Variants in ARHGEF18 observed in about 807,000 individuals in gnomAD.
ARHGEF18 encodes the protein Rho/Rac guanine nucleotide exchange factor 18, also known as rho guanine nucleotide exchange factor 18.
In ARHGEF18, 93 loss-of-function variants were observed where a neutral mutation model predicts 155.7. That is an observed-to-expected ratio of 0.60 (90% CI 0.50 to 0.71). The LOEUF is 0.71. ARHGEF18 is among the 30% of genes least tolerant of loss of function. The pLI is 0.00. For synonymous variants in ARHGEF18, 742 were observed against 753.1 expected, an observed-to-expected ratio of 0.99 and a Z score of 0.24; for missense variants, 1,593 against 1,816.1, an observed-to-expected ratio of 0.88 and a Z score of 2.23.
In ARHGEF18 at chr19:7,365,584, C is replaced by T. The variant is rs12608813; in HGVS notation, c.15+2679C>T. 0.013 allele frequency among the ~76,000 whole-genome samples: 1,950 copies of T among 152,256 alleles called. 127 individuals carry two copies. In the East Asian group the frequency reaches 0.21, roughly 17 times the overall value. ...GATGCAGGCAGTTGGACAGGTAACA[C>T]GGCAATGGGGGAACGGTGGGCTCTG... On this transcript the variant is annotated intron_variant, in intron 2 of 28. Transcript: ENST00000668164.
intron 10 of ARHGEF18, among the ~76,000 whole-genome samples, chr19:7,398,536 C>CA (rs1971850744): frequency 1.3e-5 from 2 of 151,246 alleles, no homozygotes; most frequent in Non-Finnish European, 2.9e-5. Context: ...CTAAGAAATA[C>CA]AAAAATTAGC....
intron 2 of ARHGEF18, among the ~76,000 whole-genome samples, chr19:7,367,870 T>TATACA (rs1407154247): frequency 1.7e-5 from 1 of 59,908 alleles, no homozygotes; most frequent in Non-Finnish European, 2.9e-5. Context: ...ATATATATTT[T>TATACA]TATATATATA....
chr19:7,368,222 C>T (rs1366790813), intron 2 of ARHGEF18, among the ~76,000 whole-genome samples: 3 of 152,032 alleles, frequency 2.0e-5, no homozygotes, highest in Non-Finnish European at 4.4e-5. Flanking sequence ...ATGTACTATG[C>T]AAAACTGTGC....
Position 7,448,219 on chromosome 19 carries a change from G to A in ARHGEF18, c.1737+1051G>A, listed in dbSNP as rs180746126. Among the ~76,000 whole-genome samples the A allele has an allele frequency of 3.5e-4, 53 of 152,150 alleles. No individual in the cohort carries two copies. In the East Asian group the frequency reaches 5.2e-3, roughly 15 times the overall value. On this transcript the variant is annotated intron_variant, in intron 15 of 28. Transcript: ENST00000668164. ...GCCTTGGGGATGCCGTCTGTCTCAAGGAGGGTTACTCCAGATGGGCACGGT... is the reference window on the plus strand; with the variant it reads ...GCCTTGGGGATGCCGTCTGTCTCAAAGAGGGTTACTCCAGATGGGCACGGT...
At chr19:7,423,921 G>A (rs1973506760) in intron 10 of ARHGEF18, among the ~76,000 whole-genome samples, 1 of 152,048 alleles carries the variant, frequency 6.6e-6, no homozygotes, top group African/African-American at 2.4e-5. Flanking sequence ...AGTGAACCCA[G>A]AAGTGGATCT....
chr19:7,478,359 A>G, the ARHGEF18 span: 3 of 1,611,084 alleles, frequency 1.9e-6, no homozygotes, highest in South Asian at 1.1e-5. Context: ...TCTCAGTTTC[A>G]GCAGCATCCA....
intron 20 of ARHGEF18, 37 bp downstream of exon 20, chr19:7,460,031 T>C: frequency 6.5e-7 from 1 of 1,538,152 alleles, no homozygotes; most frequent in Non-Finnish European, 8.8e-7. Context: ...ACCCCTTGTG[T>C]GGTGAGCCCT....
Position 7,447,185 on chromosome 19 carries a change from T to C in ARHGEF18, c.1737+17T>C. 6.3e-7 allele frequency: 1 copy of C among 1,598,118 alleles called. No homozygotes were observed. The highest frequency in any genetic ancestry group is 2.3e-5 in the East Asian group (1 of 44,296). ...TTGATCAAGGTAAAAACAATTTTTT[T>C]TTTTAATCAAAAACTTATATTCTGG... is the stretch of plus-strand genomic sequence containing the variant. On this transcript the variant is annotated intron_variant, in intron 15 of 28. Coordinates refer to ENST00000668164, the MANE Select transcript of ARHGEF18 (RefSeq NM_001367823.1).
At chr19:7,433,051 C>T (rs566402440) in intron 10 of ARHGEF18, among the ~76,000 whole-genome samples, 2 of 152,146 alleles carry the variant, frequency 1.3e-5, no homozygotes, top group African/African-American at 2.4e-5. Context: ...ATCCTAGCTA[C>T]TCAGGAGGCT....
intron 10 of ARHGEF18, among the ~76,000 whole-genome samples, chr19:7,400,693 G>A (rs1327228459): frequency 6.6e-6 from 1 of 152,242 alleles, no homozygotes; most frequent in South Asian, 2.1e-4. Context: ...AATTGGCAAG[G>A]TGTGATGGCT....
intron 10 of ARHGEF18, among the ~76,000 whole-genome samples, chr19:7,418,315 G>A (rs1179823516): frequency 6.6e-6 from 1 of 152,140 alleles, no homozygotes; most frequent in East Asian, 1.9e-4. Context: ...CTGGAGTGCA[G>A]TCGCACAATC....
At chr19:7,464,069 G>A (rs757129829) in intron 22 of ARHGEF18, 114 bp downstream of exon 22, 213 of 1,366,642 alleles carry the variant, frequency 1.6e-4, no homozygotes, top group Non-Finnish European at 1.9e-4. Context: ...ACAGAGTCTT[G>A]CTCTGTCACC....
chr19:7,410,024 G>A (rs896435216), intron 10 of ARHGEF18, among the ~76,000 whole-genome samples: 6 of 144,516 alleles, frequency 4.2e-5, no homozygotes, highest in African/African-American at 7.9e-5. Context: ...TCCTGACCTC[G>A]TGATCCACCC....
chr19:7,451,070 C>G, intron 15 of ARHGEF18, 79 bp from the exon 16 acceptor site: 1 of 1,333,256 alleles, frequency 7.5e-7, no homozygotes. Flanking sequence ...ATCTTGCTGT[C>G]CGTTTCTGAG....
In ARHGEF18 at chr19:7,464,625, AACAGCCCGG is replaced by A; in HGVS notation, c.2842_2850del (p.Ser948_Asp950del). The A allele has an allele frequency of 6.2e-7, 1 of 1,613,846 alleles. No homozygotes were observed. Among genetic ancestry groups the A allele is most frequent in the Non-Finnish European group, 8.5e-7 (1 of 1,179,938 alleles). On this transcript the variant is annotated inframe_deletion, in exon 23 of 29. Coordinates refer to ENST00000668164, the MANE Select transcript of ARHGEF18 (RefSeq NM_001367823.1). ...GCCCCGAGACTGGCGAGGCCCCCCA[AACAGCCCGG>A]ACTTGAAGCTCAGTGACAGTGACAT...
chr19:7,447,020 A>G (rs780167523), intron 14 of ARHGEF18, 23 bp from the exon 15 acceptor site: 3 of 1,608,106 alleles, frequency 1.9e-6, no homozygotes, highest in Non-Finnish European at 2.5e-6. Flanking sequence ...TTTAATTAAC[A>G]TTTCCATCCT....
At chr19:7,403,553 C>T (rs2432101) in intron 10 of ARHGEF18, among the ~76,000 whole-genome samples, 8,146 of 122,560 alleles carry the variant, frequency 0.066, 363 homozygotes, top group African/African-American at 0.18. Context: ...TTCTTTCTTT[C>T]TTTTTTTTTT....
At chr19:7,417,883 A>G (rs1600370345) in intron 10 of ARHGEF18, among the ~76,000 whole-genome samples, 1 of 151,998 alleles carries the variant, frequency 6.6e-6, no homozygotes, top group South Asian at 2.1e-4. Flanking sequence ...GAGGTCCTGG[A>G]CTCTCTGTAA....
chr19:7,415,190 C>T (rs1455206156), intron 10 of ARHGEF18, among the ~76,000 whole-genome samples: 3 of 152,136 alleles, frequency 2.0e-5, no homozygotes, highest in African/African-American at 7.2e-5. Context: ...CAGGCAGCTC[C>T]ATTAAACCAC....
Sources: allele counts gnomAD v4.1 joint callset (sites outside exome capture counted in the v4.1 genomes callset), GRCh38; gene constraint gnomAD v4.1.1; transcripts MANE v1.5; gene names NCBI Gene and HGNC (gene_info 2026-07-23, HGNC 2026-07-21).